The following FBN2 variants were observed in gnomAD, a reference collection of about 807,000 sequenced individuals.
FBN2 encodes fibrillin-2.
A neutral mutation model predicts 355.6 loss-of-function variants in FBN2; 105 were observed. That is an observed-to-expected ratio of 0.30 (90% CI 0.25 to 0.35). The LOEUF (loss-of-function observed/expected upper bound fraction) is 0.35. Among genes scored for constraint, FBN2 ranks in the 10% least tolerant of loss-of-function variants. The probability of loss-of-function intolerance (pLI) is 1.00; values close to 1 mark genes in which losing one functional copy is unlikely to be tolerated. For synonymous variants in FBN2, 1,350 were observed against 1,301.2 expected, an observed-to-expected ratio of 1.04 and a Z score of -0.81; for missense variants, 3,280 against 3,758.7, an observed-to-expected ratio of 0.87 and a Z score of 3.33.
Position 128,277,948 on chromosome 5 carries a change from G to T in FBN2, c.7403C>A (p.Thr2468Asn). The T allele has an allele frequency of 6.2e-7, 1 of 1,613,920 alleles. No homozygotes were observed. Among genetic ancestry groups the T allele is most frequent in the African/African-American group, 1.3e-5 (1 of 75,030 alleles). ...GCAGAAGCATCGGAATGAGCCCATG[G>T]TATTGATGCACTGACCATTGGTGCA... ...NLCTNGQCIN[T>N]MGSFRCFCKV... Residue 2468 changes from threonine to asparagine, a missense_variant, in exon 58 of 65, where the codon ACC becomes AAC. This residue lies in a region of FBN2 where 2,284 missense variants were observed against 2,749.5 expected (regional missense o/e 0.83). Coordinates refer to ENST00000262464, the MANE Select transcript of FBN2 (RefSeq NM_001999.4).
At chr5:128,339,345 T>A (rs907491938) in intron 25 of FBN2, among the ~76,000 whole-genome samples, 2 of 152,074 alleles carry the variant, frequency 1.3e-5, no homozygotes, top group African/African-American at 4.8e-5. Context: ...AAGGGGGGCA[T>A]GGTGACTCAT....
In FBN2 at chr5:128,367,863, A is replaced by AT. The variant is rs1751814700; in HGVS notation, c.2248+1318dup. 2.1e-5 allele frequency among the ~76,000 whole-genome samples: 3 copies of AT among 142,914 alleles called. No individual in the cohort carries two copies. The East Asian group carries it at 9.9e-4, about 47-fold the overall frequency. The allele number at this position is 142,914 out of a possible 152,430, so 93.8% of individuals were successfully genotyped here. A position where few individuals can be genotyped will look rare whatever the true frequency, so the allele number is the denominator to read the frequency against. Reference sequence around the variant, plus strand: ...ATTTTAGAACTACGTTCTCCTCATTATTTTTCTTTTTTTTTTAAAAAAAGT... The same window carrying AT: ...ATTTTAGAACTACGTTCTCCTCATTATTTTTTCTTTTTTTTTTAAAAAAAGT... On this transcript the variant is annotated intron_variant, in intron 16 of 64. Transcript: ENST00000262464.
In FBN2 at chr5:128,261,170, A is replaced by G. The variant is rs550362439; in HGVS notation, c.8364+566T>C. On this transcript the variant is annotated intron_variant, in intron 64 of 64. Transcript: ENST00000262464. ...GGGCCAGGGAGTTACGTTCAAAACCAGGTAGTCTGCAGCCCACCCCTTTAA... is the reference window on the plus strand; with the variant it reads ...GGGCCAGGGAGTTACGTTCAAAACCGGGTAGTCTGCAGCCCACCCCTTTAA... Among the ~76,000 whole-genome samples the G allele has an allele frequency of 9.2e-5, 14 of 152,318 alleles. No homozygotes were observed. In the South Asian group the frequency reaches 1.7e-3, roughly 18 times the overall value.
rs1220791968 is a variant in FBN2 at position 128,257,954 on chromosome 5, C to T, written c.*1501G>A. 1 of 152,476 alleles carries T rather than the reference C, an allele frequency of 6.6e-6. No homozygotes were observed. Among genetic ancestry groups the T allele is most frequent in the Non-Finnish European group, 1.5e-5 (1 of 68,040 alleles). 9.4% of individuals were successfully genotyped at this position (152,476 alleles called of 1,614,324 possible). On this transcript the variant is annotated 3_prime_UTR_variant, in exon 65 of 65. Coordinates refer to ENST00000262464, the MANE Select transcript of FBN2 (RefSeq NM_001999.4). ...TGCAAGAAAAGTGTCATATTTGATA[C>T]ACAGACCTACAAAAACAAACAAAAC...
rs892863 is a variant in FBN2, at chr5:128,519,627, T to C, written c.533-259A>G. On this transcript the variant is annotated intron_variant, in intron 4 of 64. Transcript: ENST00000262464. ...AAGTGTTTGGTAAAAGGTTTTTTGTTTTTTTTTTAATCAGAATCATATTCG... is the reference window on the plus strand; with the variant it reads ...AAGTGTTTGGTAAAAGGTTTTTTGTCTTTTTTTTAATCAGAATCATATTCG... 0.34 allele frequency among the ~76,000 whole-genome samples: 51,757 copies of C among 151,288 alleles called. 9,383 individuals are homozygous for C. The highest frequency in any genetic ancestry group is 0.47 in the African/African-American group (19,405 of 41,280).
chr5:128,521,995 T>C (rs1265461052), intron 4 of FBN2, among the ~76,000 whole-genome samples: 2 of 152,216 alleles, frequency 1.3e-5, no homozygotes, highest in African/African-American at 4.8e-5. Flanking sequence ...GCTTATAATA[T>C]GGGTTTCTTG....
At chr5:128,344,325 C>T in intron 25 of FBN2, 60 bp downstream of exon 25, 1 of 1,579,890 alleles carries the variant, frequency 6.3e-7, no homozygotes, top group Admixed American at 1.7e-5. Context: ...GCAGTCCTTT[C>T]AAACAGAGTA....
Position 128,334,853 on chromosome 5 carries a change from T to A in FBN2, c.3974-9A>T. 3.1e-6 allele frequency: 5 copies of A among 1,607,954 alleles called. No homozygotes were observed. Among genetic ancestry groups the A allele is most frequent in the Non-Finnish European group, 4.3e-6 (5 of 1,174,362 alleles). ...GTCACATTCATTGACATCTAGAAAA[T>A]TTATTTTCAATATCTTAGTATGTGC... On this transcript the variant is annotated splice_polypyrimidine_tract_variant and intron_variant, in intron 30 of 64. Coordinates refer to ENST00000262464, the MANE Select transcript of FBN2 (RefSeq NM_001999.4).
rs886038798 is a variant in FBN2 at position 128,464,879 on chromosome 5, A to G, written c.671T>C (p.Met224Thr). ...GPCFTQVNNQ[M>T]CQGQLTGIVC... ...AATGCCTGTCAGCTGCCCTTGGCACATCTGGTTGTTGACCTGAGTGAAACA... is the reference window on the plus strand; with the variant it reads ...AATGCCTGTCAGCTGCCCTTGGCACGTCTGGTTGTTGACCTGAGTGAAACA... Residue 224 changes from methionine (M) to threonine (T), a missense_variant, in exon 6 of 65, where the codon ATG (methionine) becomes ACG (threonine). By Grantham distance (81) the Met-to-Thr change is moderately conservative. Coordinates refer to ENST00000262464, the MANE Select transcript of FBN2 (RefSeq NM_001999.4). 9.9e-6 allele frequency: 16 copies of G among 1,614,160 alleles called. No individual in the cohort carries two copies. Among genetic ancestry groups the G allele is most frequent in the Admixed American group, 3.3e-5 (2 of 60,016 alleles).
intron 52 of FBN2, 122 bp from the exon 53 acceptor site, chr5:128,288,679 G>T: frequency 8.9e-7 from 1 of 1,124,342 alleles, no homozygotes; most frequent in Non-Finnish European, 1.3e-6. Context: ...TGTAACCCTG[G>T]CATCCCTTGG....
intron 5 of FBN2, among the ~76,000 whole-genome samples, chr5:128,469,364 A>G (rs564151512): frequency 1.3e-5 from 2 of 152,174 alleles, no homozygotes; most frequent in Admixed American, 1.3e-4. Flanking sequence ...CCCTGTCTCT[A>G]TTAAAAATAC....
intron 34 of FBN2, among the ~76,000 whole-genome samples, chr5:128,326,900 G>C (rs1395727814): frequency 6.6e-6 from 1 of 152,098 alleles, no homozygotes; most frequent in Admixed American, 6.5e-5. Flanking sequence ...TGGGGGAGAG[G>C]GAAGTTCTGA....
chr5:128,297,138 T>C (rs1749545203), intron 48 of FBN2, among the ~76,000 whole-genome samples: 2 of 152,144 alleles, frequency 1.3e-5, no homozygotes, highest in Admixed American at 6.5e-5. Flanking sequence ...TTCCATGTAG[T>C]TGAGCGGTTT....
chr5:128,509,767 AG>A (rs1257519021), intron 5 of FBN2, among the ~76,000 whole-genome samples: 1 of 152,176 alleles, frequency 6.6e-6, no homozygotes, highest in Non-Finnish European at 1.5e-5. Context: ...TATTCTCCAC[AG>A]CCAGAGCAGC....
At chr5:128,306,556 A>G (rs948515931) in intron 42 of FBN2, among the ~76,000 whole-genome samples, 3 of 152,066 alleles carry the variant, frequency 2.0e-5, no homozygotes, top group African/African-American at 7.2e-5. Context: ...TAGGAGACAG[A>G]GGTTACAGTG....
chr5:128,537,600 C>T lies in FBN2; in HGVS notation c.4G>A (p.Gly2Arg). 1 of 1,607,188 alleles carries T rather than the reference C, an allele frequency of 6.2e-7. No homozygotes were observed. ...TGGAGACACAGCCTCCGTCTTCTCCCCATCGCCGGCGCCGAAAGCGCGCGG... is the reference window on the plus strand; with the variant it reads ...TGGAGACACAGCCTCCGTCTTCTCCTCATCGCCGGCGCCGAAAGCGCGCGG... Reference protein sequence around the residue: MGRRRRLCLQLY... With the variant: MRRRRRLCLQLY... Residue 2 changes from glycine (G) to arginine (R), a missense_variant, in exon 1 of 65, where the codon GGG becomes AGG. Physicochemically the swap from Gly to Arg is moderately radical, Grantham distance 125. Transcript: ENST00000262464.
chr5:128,271,990 A>C lies in FBN2; in HGVS notation c.7960+9T>G. 1 of 1,613,954 alleles carries C rather than the reference A, an allele frequency of 6.2e-7. No homozygotes were observed. Among genetic ancestry groups the C allele is most frequent in the Non-Finnish European group, 8.5e-7 (1 of 1,179,866 alleles). On this transcript the variant is annotated intron_variant, in intron 62 of 64. Transcript: ENST00000262464. ...AAAAGCAAGTGCGATGGAAGAAAAG[A>C]GCACTCACCGACACACTGATTCCAC...
intron 31 of FBN2, among the ~76,000 whole-genome samples, chr5:128,333,667 AGT>A (rs138286647): frequency 2.0e-5 from 3 of 151,580 alleles, no homozygotes; most frequent in Non-Finnish European, 2.9e-5. Flanking sequence ...TGCTTTCGCC[AGT>A]GTGTGTGTGT....
chr5:128,518,280 G>C (rs1443806662), intron 5 of FBN2, among the ~76,000 whole-genome samples: 5 of 139,700 alleles, frequency 3.6e-5, no homozygotes, highest in Admixed American at 1.4e-4. Flanking sequence ...ATCAATGCCA[G>C]AGATTTTTCA....
Sources: allele counts gnomAD v4.1 joint callset (sites outside exome capture counted in the v4.1 genomes callset), GRCh38; gene constraint gnomAD v4.1.1; regional missense constraint gnomAD v4.1.1; transcripts MANE v1.5; gene names NCBI Gene and HGNC (gene_info 2026-07-23, HGNC 2026-07-21).